KLHL26: variants seen among roughly 807,000 people sequenced by gnomAD.
KLHL26 encodes kelch-like protein 26.
Under a neutral mutation model 7.1 loss-of-function variants are expected in KLHL26, and 4 were observed. The ratio of observed to expected loss-of-function variants is 0.56; its 90% confidence interval spans 0.28 to 1.28. KLHL26 has a LOEUF of 1.28. KLHL26 is among the 50% of genes most tolerant of loss of function. KLHL26 has a pLI of 0.11. For missense variants in KLHL26, 896 were observed against 924.6 expected, an observed-to-expected ratio of 0.97 and a Z score of 0.40; for synonymous variants, 465 against 414.1, an observed-to-expected ratio of 1.12 and a Z score of -1.49.
At chr19:18,658,066 C>T (rs958541508) in intron 1 of KLHL26, among the ~76,000 whole-genome samples, 4 of 126,196 alleles carry the variant, frequency 3.2e-5, no homozygotes, top group African/African-American at 9.0e-5. Context: ...CCTCGAGGCA[C>T]GTGCCCAAGA....
intron 1 of KLHL26, among the ~76,000 whole-genome samples, chr19:18,641,615 G>A (rs867128560): frequency 7.0e-6 from 1 of 143,346 alleles, no homozygotes; most frequent in African/African-American, 2.7e-5. Flanking sequence ...CACCACACCC[G>A]GCTCTTTTTC....
At chr19:18,652,385 T>C (rs1294606919) in intron 1 of KLHL26, among the ~76,000 whole-genome samples, 1 of 151,154 alleles carries the variant, frequency 6.6e-6, no homozygotes, top group Admixed American at 6.6e-5. Context: ...AGGCCGAGAG[T>C]TCGAGACCAG....
At chr19:18,637,295 A>G (rs1185232918) in intron 1 of KLHL26, among the ~76,000 whole-genome samples, 158 bp downstream of exon 1, 1 of 149,814 alleles carries the variant, frequency 6.7e-6, no homozygotes, top group Non-Finnish European at 1.5e-5. Flanking sequence ...GTACTGGAGG[A>G]GCCGAGGGCT....
At chr19:18,667,160 TG>T (rs760128228) in intron 2 of KLHL26, among the ~76,000 whole-genome samples, 6 of 151,538 alleles carry the variant, frequency 4.0e-5, no homozygotes, top group Non-Finnish European at 7.4e-5. Flanking sequence ...TTTTTTTGCA[TG>T]TTTTTTTTGT....
chr19:18,642,215 G>A (rs1465472394), intron 1 of KLHL26, among the ~76,000 whole-genome samples: 1 of 151,948 alleles, frequency 6.6e-6, no homozygotes, highest in Non-Finnish European at 1.5e-5. Context: ...CCACCTCCTC[G>A]CCTCAACCTG....
Position 18,650,903 on chromosome 19 carries a change from C to G in KLHL26, c.84-13358C>G, listed in dbSNP as rs959462492. ...GCGGGGCTTCCTGACCCCTCAGCCC[C>G]GGTAGGAAGCTGGTGTGCACTGCAG... On this transcript the variant is annotated intron_variant, in intron 1 of 2. Transcript: ENST00000300976. The surrounding 1 kb of genome is among the most constrained non-coding windows in gnomAD (Gnocchi z 4.2). 6.6e-6 allele frequency among the ~76,000 whole-genome samples: 1 copy of G among 152,146 alleles called. No individual in the cohort carries two copies. Among genetic ancestry groups the G allele is most frequent in the Non-Finnish European group, 1.5e-5 (1 of 68,020 alleles).
At position 18,648,780 on chromosome 19, in the gene KLHL26, G is replaced by C. The variant is rs1976849216; in HGVS notation, c.83+11643G>C. ...GCTGCAGCTGCCCAGGAGGTCCTCA[G>C]GTAGCATCTCTTGTGGGTTCCACCT... On this transcript the variant is annotated intron_variant, in intron 1 of 2. Coordinates refer to ENST00000300976, the MANE Select transcript of KLHL26 (RefSeq NM_018316.3). This position sits in a 1 kb window ranked among gnomAD's most constrained non-coding sequence, Gnocchi z 4.9. 6.6e-6 allele frequency among the ~76,000 whole-genome samples: 1 copy of C among 152,098 alleles called. No individual in the cohort carries two copies. The highest frequency in any genetic ancestry group is 2.1e-4 in the South Asian group (1 of 4,824).
rs533533586 is a variant in KLHL26 at position 18,647,946 on chromosome 19, T to C, written c.83+10809T>C. Among the ~76,000 whole-genome samples, 4 of 152,338 alleles carry C rather than the reference T, an allele frequency of 2.6e-5. No homozygotes were observed. The East Asian group carries it at 7.7e-4, about 29-fold the overall frequency. ...AAGGGTCCATGGGACAGATGGACCC[T>C]GCCCATGGGGCGCATACATGCCAGC... On this transcript the variant is annotated intron_variant, in intron 1 of 2. Coordinates refer to ENST00000300976, the MANE Select transcript of KLHL26 (RefSeq NM_018316.3).
Position 18,669,062 on chromosome 19 carries a change from C to T in KLHL26, c.1665C>T (p.Cys555=). 6.2e-7 allele frequency: 1 copy of T among 1,612,792 alleles called. No homozygotes were observed. Among genetic ancestry groups the T allele is most frequent in the South Asian group, 1.1e-5 (1 of 91,082 alleles). Residue 555 remains cysteine, a synonymous_variant, in exon 3 of 3, where the codon TGC becomes TGT. Transcript: ENST00000300976. ...CCGGCCAGTCAGAGGCCGGCTGCTG[C>T]CTGCTGGAGAGGAAGATCTACATCG... ...MRAGQSEAGC[C]LLERKIYIVG... is the part of the protein sequence containing the mutation.
rs1247160590 is a variant in KLHL26 at position 18,664,461 on chromosome 19, G to A, written c.266+18G>A. On this transcript the variant is annotated intron_variant, in intron 2 of 2. Coordinates refer to ENST00000300976, the MANE Select transcript of KLHL26 (RefSeq NM_018316.3). ...TACTTCAGGTAAGTGCTGGCCCCAG[G>A]CAGCTGGAAGGGGCGGCTGCCTGTT... 2.0e-6 allele frequency: 3 copies of A among 1,535,996 alleles called. No homozygotes were observed. The African/African-American group carries it at 4.1e-5, about 21-fold the overall frequency.
chr19:18,659,498 G>C (rs1297836599), intron 1 of KLHL26, among the ~76,000 whole-genome samples: 1 of 152,238 alleles, frequency 6.6e-6, no homozygotes, highest in Non-Finnish European at 1.5e-5. Flanking sequence ...CCTCTTTGAG[G>C]GGAAGTGAGG....
chr19:18,641,316 CTT>C (rs61471216), intron 1 of KLHL26, among the ~76,000 whole-genome samples: 7 of 105,100 alleles, frequency 6.7e-5, no homozygotes, highest in Admixed American at 3.3e-4. Context: ...GTTGGGTTGC[CTT>C]TTTTTTTTTT....
chr19:18,641,764 G>T (rs1233576696), intron 1 of KLHL26, among the ~76,000 whole-genome samples: 1 of 151,688 alleles, frequency 6.6e-6, no homozygotes, highest in Non-Finnish European at 1.5e-5. Context: ...GAGTAGCTGG[G>T]ATTACAGGCG....
rs1568465948 is a variant in KLHL26 at position 18,669,287 on chromosome 19, TC to T, written c.*44del. The T allele has an allele frequency of 4.6e-6, 7 of 1,507,826 alleles. No homozygotes were observed. The highest frequency in any genetic ancestry group is 6.3e-6 in the Non-Finnish European group (7 of 1,105,508). 93.4% of individuals were successfully genotyped at this position (1,507,826 alleles called of 1,614,324 possible). ...GACCCTGGCCTGACCGCATGTTGTC[TC>T]CAAGTGGGGCTTGGCGAATGCACGT... is the stretch of plus-strand genomic sequence containing the variant. On this transcript the variant is annotated 3_prime_UTR_variant, in exon 3 of 3. Transcript: ENST00000300976.
In KLHL26 at chr19:18,650,109, GGTCA is replaced by G. The variant is rs1266507888; in HGVS notation, c.83+12973_83+12976del. Among the ~76,000 whole-genome samples the G allele has an allele frequency of 1.3e-5, 2 of 152,210 alleles. No homozygotes were observed. The highest frequency in any genetic ancestry group is 4.8e-5 in the African/African-American group (2 of 41,454). ...TCAGGCTTGTAAAGGCCTGGAGGGGGGTCACCCGAGGATCGAGGCCGAAGATGTT... is the reference window on the plus strand; with the variant it reads ...TCAGGCTTGTAAAGGCCTGGAGGGGGCCCGAGGATCGAGGCCGAAGATGTT... On this transcript the variant is annotated intron_variant, in intron 1 of 2. Transcript: ENST00000300976. This position sits in a 1 kb window ranked among gnomAD's most constrained non-coding sequence, Gnocchi z 4.2.
rs778759299 is a variant in KLHL26 at position 18,668,495 on chromosome 19, C to CG, written c.1104dup (p.Gln369AlafsTer71). 1.2e-6 allele frequency: 2 copies of CG among 1,606,282 alleles called. No homozygotes were observed. ...TGCTGGACAATTTTGTGTACGTGGCCGGGGGGCAGCACCTGCAGTACCGCA... is the reference window on the plus strand; with the variant it reads ...TGCTGGACAATTTTGTGTACGTGGCCGGGGGGGCAGCACCTGCAGTACCGCA... On this transcript the variant is annotated frameshift_variant, in exon 3 of 3. Transcript: ENST00000300976. LOFTEE classifies it low-confidence loss of function (END_TRUNC).
At chr19:18,657,731 G>T (rs557352263) in intron 1 of KLHL26, among the ~76,000 whole-genome samples, 3 of 152,338 alleles carry the variant, frequency 2.0e-5, no homozygotes, top group Non-Finnish European at 4.4e-5. Context: ...CGGGAGCCAA[G>T]GGAGGCAGAG....
chr19:18,640,547 T>C (rs567301009), intron 1 of KLHL26, among the ~76,000 whole-genome samples: 117 of 146,476 alleles, frequency 8.0e-4, no homozygotes, highest in African/African-American at 3.0e-3. Context: ...CTGGCTATGT[T>C]TTAATTTTTT....
intron 1 of KLHL26, among the ~76,000 whole-genome samples, chr19:18,640,169 C>T (rs192606634): frequency 3.3e-5 from 5 of 151,894 alleles, no homozygotes; most frequent in Non-Finnish European, 7.4e-5. Context: ...TCTGTGTGGA[C>T]GTATATTTTC....
Sources: gnomAD v4.1 joint callset for allele counts (sites outside exome capture counted in the v4.1 genomes callset) on GRCh38, gnomAD v4.1.1 for gene constraint, Gnocchi (gnomAD v3.1) non-coding constraint, MANE v1.5 for transcripts, NCBI Gene and HGNC (gene_info 2026-07-23, HGNC 2026-07-21) for gene names.